Variants in UNC13C observed in about 807,000 individuals in gnomAD.
The protein encoded by UNC13C is unc-13 homolog C.
In UNC13C, 174 loss-of-function variants were observed where a neutral mutation model predicts 245.4. The ratio of observed to expected loss-of-function variants is 0.71; its 90% CI spans 0.63 to 0.80. The LOEUF (loss-of-function observed/expected upper bound fraction) is 0.80. UNC13C is among the 30% of genes least tolerant of loss of function. The pLI, the probability that UNC13C is intolerant of heterozygous loss-of-function variation, is 0.00. For missense variants in UNC13C, 2,829 were observed against 2,602.9 expected (o/e 1.09, Z -1.89); for synonymous variants, 992 against 895.1 (o/e 1.11, Z -1.93).
intron 19 of UNC13C, among the ~76,000 whole-genome samples, chr15:54,422,140 T>C (rs1270989542): frequency 6.6e-6 from 1 of 152,002 alleles, no homozygotes; most frequent in East Asian, 1.9e-4. Flanking sequence ...TTGTGGATTA[T>C]CAGACATTAT....
intron 19 of UNC13C, among the ~76,000 whole-genome samples, chr15:54,487,415 T>C (rs1046949943): frequency 1.3e-5 from 2 of 152,152 alleles, no homozygotes; most frequent in Admixed American, 1.3e-4. Flanking sequence ...TCTTTTTTCT[T>C]ACCCTACAAA....
At chr15:54,472,748 A>C (rs1892527398) in intron 19 of UNC13C, among the ~76,000 whole-genome samples, 1 of 151,924 alleles carries the variant, frequency 6.6e-6, no homozygotes, top group African/African-American at 2.4e-5. Flanking sequence ...TTTCTTCTGA[A>C]ATATGTACTG....
chr15:53,963,726 C>T, the UNC13C span, among the ~76,000 whole-genome samples: 2 of 152,100 alleles, frequency 1.3e-5, no homozygotes, highest in African/African-American at 4.8e-5. Flanking sequence ...GGATGAGATG[C>T]TCAAGGAAGA....
At position 54,621,191 on chromosome 15, in the gene UNC13C, C is replaced by T. The variant is rs368767313; in HGVS notation, c.6107-1136C>T. ...GAAAGTCTTTCAGAATCTTTTGTTC[C>T]GGGCTTTCAGCATTTGCCTTCATTT... is the stretch of plus-strand genomic sequence containing the variant. On this transcript the variant is annotated intron_variant, in intron 30 of 32. Transcript: ENST00000260323. Among the ~76,000 whole-genome samples, 10 of 152,138 alleles carry T rather than the reference C, an allele frequency of 6.6e-5. No homozygotes were observed. In the East Asian group the frequency reaches 1.4e-3, roughly 21 times the overall value.
intron 2 of UNC13C, among the ~76,000 whole-genome samples, chr15:54,132,835 G>C (rs2031511970): frequency 6.6e-6 from 1 of 152,152 alleles, no homozygotes; most frequent in African/African-American, 2.4e-5. Flanking sequence ...TGTTATCACT[G>C]AAGAACCTCA....
At chr15:54,424,787 G>A (rs1305271125) in intron 19 of UNC13C, among the ~76,000 whole-genome samples, 2 of 151,814 alleles carry the variant, frequency 1.3e-5, no homozygotes, top group Non-Finnish European at 2.9e-5. Flanking sequence ...TTGACAGTCT[G>A]CTGGCTGGAA....
intron 19 of UNC13C, among the ~76,000 whole-genome samples, chr15:54,423,974 T>A (rs2040705425): frequency 6.6e-6 from 1 of 151,914 alleles, no homozygotes; most frequent in African/African-American, 2.4e-5. Context: ...AAAATTAGTT[T>A]AGAAAATTTC....
intron 19 of UNC13C, among the ~76,000 whole-genome samples, chr15:54,457,880 G>T (rs1165942149): frequency 7.4e-6 from 1 of 135,516 alleles, no homozygotes. Context: ...ATGTAGTTCT[G>T]CTCTGCTTTT....
chr15:54,546,687 T>G, intron 26 of UNC13C, 35 bp from the exon 27 acceptor site: 4 of 1,322,048 alleles, frequency 3.0e-6, no homozygotes, highest in Non-Finnish European at 4.0e-6. Flanking sequence ...GATCTGAAAT[T>G]TAAAAGTGAA....
At chr15:53,863,853 A>G in the UNC13C span, among the ~76,000 whole-genome samples, 1 of 152,144 alleles carries the variant, frequency 6.6e-6, no homozygotes, top group Non-Finnish European at 1.5e-5. Flanking sequence ...TTCTTTGCCC[A>G]TGTGCTTAGC....
rs749490558 is a variant in UNC13C, at chr15:54,014,048, A to C, written c.1145A>C (p.Glu382Ala). The change falls in exon 2 of 33, where the codon GAA becomes GCA. Residue 382 changes from glutamate to alanine, a missense_variant. Physicochemically the swap from Glu to Ala is moderately radical, Grantham distance 107. Coordinates refer to ENST00000260323, the MANE Select transcript of UNC13C (RefSeq NM_001080534.3). ...AKPRPILVYF[E>A]TPQQRDSVLK... ...CCTCGACCCATACTTGTGTACTTTGAAACCCCTCAACAAAGGGATTCTGTC... is the reference window on the plus strand; with the variant it reads ...CCTCGACCCATACTTGTGTACTTTGCAACCCCTCAACAAAGGGATTCTGTC... The C allele has an allele frequency of 1.9e-6, 3 of 1,613,830 alleles. No individual in the cohort carries two copies. In the South Asian group the frequency reaches 3.3e-5, roughly 18 times the overall value.
chr15:54,249,674 A>G (rs530226919), intron 7 of UNC13C, among the ~76,000 whole-genome samples: 2 of 152,290 alleles, frequency 1.3e-5, no homozygotes, highest in African/African-American at 4.8e-5. Flanking sequence ...TTCCTTTTAA[A>G]ATATAAATCA....
At chr15:54,512,381 T>G (rs1428549707) in intron 24 of UNC13C, 1 of 455,808 alleles carries the variant, frequency 2.2e-6, no homozygotes, top group East Asian at 6.9e-5. Context: ...TTATGAGGTT[T>G]GTGATAGTAA....
At chr15:53,871,276 C>T in the UNC13C span, among the ~76,000 whole-genome samples, 94,915 of 151,972 alleles carry the variant, frequency 0.62, 29,687 homozygotes, top group East Asian at 0.68. Flanking sequence ...CACACTTATG[C>T]CATTTTTAGC....
At chr15:54,241,179 C>G (rs2035841785) in intron 7 of UNC13C, among the ~76,000 whole-genome samples, 2 of 152,100 alleles carry the variant, frequency 1.3e-5, no homozygotes, top group Non-Finnish European at 2.9e-5. Context: ...AAGAGGGATC[C>G]TAGAGCCCTG....
chr15:54,160,468 C>T (rs1221751076), intron 4 of UNC13C, among the ~76,000 whole-genome samples: 1 of 150,990 alleles, frequency 6.6e-6, no homozygotes, highest in Non-Finnish European at 1.5e-5. Flanking sequence ...AGTTGTTGAT[C>T]ACTCCAGGAT....
At chr15:54,237,722 C>T in intron 7 of UNC13C, 32 bp downstream of exon 7, 12 of 1,456,824 alleles carry the variant, frequency 8.2e-6, no homozygotes, top group Non-Finnish European at 1.1e-5. Context: ...TAATATCTAA[C>T]TAGATATTGC....
intron 17 of UNC13C, among the ~76,000 whole-genome samples, chr15:54,387,407 G>A (rs1341310504): frequency 6.6e-6 from 1 of 152,106 alleles, no homozygotes; most frequent in Admixed American, 6.6e-5. Context: ...AACTGTCATG[G>A]TGCTACTGGG....
intron 19 of UNC13C, among the ~76,000 whole-genome samples, chr15:54,486,941 G>C (rs182615102): frequency 6.6e-6 from 1 of 152,128 alleles, no homozygotes; most frequent in African/African-American, 2.4e-5. Context: ...TTTAGATCTA[G>C]ACCAGAACTA....
Sources: gnomAD v4.1 joint callset for allele counts (sites outside exome capture counted in the v4.1 genomes callset) on GRCh38, gnomAD v4.1.1 for gene constraint, MANE v1.5 for transcripts, NCBI Gene and HGNC (gene_info 2026-07-23, HGNC 2026-07-21) for gene names.